The following ZFPM2 variants were observed in gnomAD, a reference collection of about 807,000 sequenced individuals.
ZFPM2 encodes the protein zinc finger protein, FOG family member 2, also known as zinc finger protein ZFPM2.
In ZFPM2, 20 loss-of-function variants were observed where a neutral mutation model predicts 98.6. That is an observed-to-expected ratio of 0.20 (90% CI 0.14 to 0.29). The LOEUF (loss-of-function observed/expected upper bound fraction) is 0.29, where lower values mean the gene tolerates loss of function less well. ZFPM2 is among the 10% of genes least tolerant of loss of function. ZFPM2 has a pLI of 1.00. For missense variants in ZFPM2, 1,310 were observed against 1,388.6 expected, an observed-to-expected ratio of 0.94 and a Z score of 0.90; for synonymous variants, 518 against 502.7, an observed-to-expected ratio of 1.03 and a Z score of -0.41.
intron 1 of ZFPM2, among the ~76,000 whole-genome samples, chr8:105,388,911 A>G (rs1336891849): frequency 6.6e-6 from 1 of 152,092 alleles, no homozygotes; most frequent in Non-Finnish European, 1.5e-5. Flanking sequence ...ACACTGTAGC[A>G]ATAGTCCAGA....
chr8:105,617,020 G>GGAAAAA (rs1816431048), intron 4 of ZFPM2, among the ~76,000 whole-genome samples: 2 of 28,120 alleles, frequency 7.1e-5, no homozygotes, highest in African/African-American at 3.0e-4. Flanking sequence ...ACTCTGTCTC[G>GGAAAAA]AAAAAAAAAA....
chr8:105,551,829 A>C (rs1227779838), intron 3 of ZFPM2, among the ~76,000 whole-genome samples: 2 of 152,132 alleles, frequency 1.3e-5, no homozygotes, highest in African/African-American at 2.4e-5. Context: ...ATACAATCTC[A>C]TCATGTTACA....
chr8:105,705,593 A>G (rs1167318604), intron 5 of ZFPM2, among the ~76,000 whole-genome samples: 2 of 152,212 alleles, frequency 1.3e-5, no homozygotes, highest in Non-Finnish European at 2.9e-5. Context: ...ATCAGCTTTA[A>G]TGGATCAAAG....
intron 3 of ZFPM2, among the ~76,000 whole-genome samples, chr8:105,534,345 T>C (rs1814400566): frequency 8.6e-6 from 1 of 116,000 alleles, no homozygotes; most frequent in Admixed American, 9.3e-5. Context: ...TCCCTCACTC[T>C]CTCATCCCTT....
chr8:105,670,562 G>T (rs1817576619), intron 5 of ZFPM2, among the ~76,000 whole-genome samples: 1 of 148,488 alleles, frequency 6.7e-6, no homozygotes, highest in African/African-American at 2.5e-5. Context: ...CTGTGTATGC[G>T]CGCCTTCATC....
intron 5 of ZFPM2, among the ~76,000 whole-genome samples, chr8:105,709,158 G>A (rs1263789916): frequency 2.6e-5 from 4 of 152,074 alleles, no homozygotes; most frequent in African/African-American, 9.7e-5. Context: ...GGAGAAAAGG[G>A]ATTCCTGGAG....
At chr8:105,679,545 TGA>T (rs1485541035) in intron 5 of ZFPM2, among the ~76,000 whole-genome samples, 2 of 151,976 alleles carry the variant, frequency 1.3e-5, no homozygotes, top group African/African-American at 4.8e-5. Context: ...ACGTACTGGG[TGA>T]GAGTGGTTTA....
intron 3 of ZFPM2, among the ~76,000 whole-genome samples, chr8:105,550,680 C>A (rs1039154605): frequency 2.0e-5 from 3 of 152,088 alleles, no homozygotes; most frequent in Non-Finnish European, 4.4e-5. Flanking sequence ...TCAACAGGAG[C>A]AATCACCTCT....
At chr8:105,557,590 A>G (rs1815026932) in intron 3 of ZFPM2, among the ~76,000 whole-genome samples, 1 of 152,056 alleles carries the variant, frequency 6.6e-6, no homozygotes, top group Non-Finnish European at 1.5e-5. Flanking sequence ...TTACTTCCCA[A>G]GCCATATGGA....
At chr8:105,746,238 A>G (rs1342033217) in intron 5 of ZFPM2, among the ~76,000 whole-genome samples, 1 of 151,906 alleles carries the variant, frequency 6.6e-6, no homozygotes. Flanking sequence ...AGTGTGTCAA[A>G]TAGAGACTGT....
chr8:105,580,586 G>A (rs141663192), intron 4 of ZFPM2, among the ~76,000 whole-genome samples: 1,555 of 151,962 alleles, frequency 0.01, 14 homozygotes, highest in Middle Eastern at 0.024. Flanking sequence ...ACTCTGTTTC[G>A]CTTGACGATG....
chr8:105,753,805 A>C (rs1812528720), intron 5 of ZFPM2, among the ~76,000 whole-genome samples: 1 of 152,142 alleles, frequency 6.6e-6, no homozygotes, highest in South Asian at 2.1e-4. Flanking sequence ...ACTAAAAACA[A>C]TACCTAATTT....
At chr8:105,704,578 T>G (rs964241555) in intron 5 of ZFPM2, among the ~76,000 whole-genome samples, 8 of 152,202 alleles carry the variant, frequency 5.3e-5, no homozygotes, top group African/African-American at 1.9e-4. Context: ...ATGTGGGCGA[T>G]TCAAGCTAGC....
intron 3 of ZFPM2, among the ~76,000 whole-genome samples, chr8:105,558,246 G>A (rs2130689874): frequency 6.6e-6 from 1 of 152,202 alleles, no homozygotes; most frequent in African/African-American, 2.4e-5. Flanking sequence ...GAATATACAT[G>A]CTAATTATTT....
At chr8:105,353,913 T>A (rs969947155) in intron 1 of ZFPM2, among the ~76,000 whole-genome samples, 2 of 152,188 alleles carry the variant, frequency 1.3e-5, no homozygotes, top group Non-Finnish European at 2.9e-5. Flanking sequence ...TTTTAAAACA[T>A]CAATAAACTG....
intron 4 of ZFPM2, among the ~76,000 whole-genome samples, chr8:105,605,551 A>G (rs1210611878): frequency 6.6e-6 from 1 of 152,110 alleles, no homozygotes; most frequent in African/African-American, 2.4e-5. Flanking sequence ...TGTGCCATGA[A>G]CAACCATTAT....
Position 105,724,516 on chromosome 8 carries a change from A to G in ZFPM2, c.533-64202A>G, listed in dbSNP as rs4257982. ...GAACCACCATCACTTTTTATGAGAT[A>G]AGCAATTTACTGGAAAGAGAAACTG... is the stretch of plus-strand genomic sequence containing the variant. On this transcript the variant is annotated intron_variant, in intron 5 of 7. Transcript: ENST00000407775. Among the ~76,000 whole-genome samples, 672 of 151,998 alleles carry G rather than the reference A, an allele frequency of 4.4e-3. 5 individuals are homozygous for G. The highest frequency in any genetic ancestry group is 0.031 in the Admixed American group (466 of 15,226).
intron 5 of ZFPM2, among the ~76,000 whole-genome samples, chr8:105,680,746 C>T (rs1810580965): frequency 6.6e-6 from 1 of 152,106 alleles, no homozygotes; most frequent in African/African-American, 2.4e-5. Flanking sequence ...CCTTGATATA[C>T]TTTAAGATTT....
chr8:105,389,204 T>C (rs143500903), intron 1 of ZFPM2, among the ~76,000 whole-genome samples: 1,702 of 152,174 alleles, frequency 0.011, 30 homozygotes, highest in African/African-American at 0.038. Flanking sequence ...CACTCAGACA[T>C]GTCTAGTAAA....
Sources: gnomAD v4.1 joint callset for allele counts (sites outside exome capture counted in the v4.1 genomes callset) on GRCh38, gnomAD v4.1.1 for gene constraint, MANE v1.5 for transcripts, NCBI Gene and HGNC (gene_info 2026-07-23, HGNC 2026-07-21) for gene names.